SNTB1: variants seen among roughly 807,000 people sequenced by gnomAD.
The protein encoded by SNTB1 is syntrophin beta 1.
Under a neutral mutation model 48.9 loss-of-function variants are expected in SNTB1, and 36 were observed. The observed-to-expected ratio is 0.74, with a 90% CI of 0.56 to 0.97. SNTB1 has a LOEUF of 0.97. SNTB1 is among the 50% of genes least tolerant of loss of function. SNTB1 has a pLI of 0.00. For missense variants in SNTB1, 786 were observed against 703.4 expected (o/e 1.12, Z -1.33); for synonymous variants, 299 against 294.6 (o/e 1.01, Z -0.15).
intron 1 of SNTB1, among the ~76,000 whole-genome samples, chr8:120,731,752 A>G (rs568847049): frequency 1.3e-5 from 2 of 152,292 alleles, no homozygotes; most frequent in East Asian, 3.9e-4. Flanking sequence ...AAACCTGCAG[A>G]TGTCTACGGC....
intron 1 of SNTB1, among the ~76,000 whole-genome samples, chr8:120,742,010 A>G (rs1345308801): frequency 6.6e-6 from 1 of 152,206 alleles, no homozygotes; most frequent in Non-Finnish European, 1.5e-5. Context: ...CCATATAAAT[A>G]TTGTGTTTTA....
At chr8:120,616,583 C>T (rs547041386) in intron 3 of SNTB1, among the ~76,000 whole-genome samples, 2 of 151,286 alleles carry the variant, frequency 1.3e-5, no homozygotes, top group Non-Finnish European at 2.9e-5. Flanking sequence ...TCCCAAAGTG[C>T]TGGGATTGCA....
chr8:120,579,417 C>G (rs533927111), intron 3 of SNTB1, among the ~76,000 whole-genome samples: 19 of 152,232 alleles, frequency 1.2e-4, no homozygotes, highest in Admixed American at 5.9e-4. Context: ...TGGCTCATGC[C>G]TATACTCCCA....
intron 4 of SNTB1, among the ~76,000 whole-genome samples, chr8:120,569,566 G>A (rs1385573071): frequency 6.6e-6 from 1 of 152,184 alleles, no homozygotes; most frequent in Non-Finnish European, 1.5e-5. Flanking sequence ...TGAAGAGCCT[G>A]CGAGACGACA....
chr8:120,784,583 C>T (rs1349012530), intron 1 of SNTB1, among the ~76,000 whole-genome samples: 3 of 152,128 alleles, frequency 2.0e-5, no homozygotes, highest in Non-Finnish European at 4.4e-5. Flanking sequence ...CCACACTAAT[C>T]AGATCCCTTC....
intron 1 of SNTB1, among the ~76,000 whole-genome samples, chr8:120,697,554 A>G (rs1818232276): frequency 6.6e-6 from 1 of 152,222 alleles, no homozygotes; most frequent in African/African-American, 2.4e-5. Context: ...AAGCTCGACA[A>G]ATCTCTAGAG....
intron 5 of SNTB1, among the ~76,000 whole-genome samples, chr8:120,547,607 A>AAC (rs1815405645): frequency 6.6e-6 from 1 of 150,508 alleles, no homozygotes; most frequent in African/African-American, 2.4e-5. Flanking sequence ...AAAAAAAAAA[A>AAC]AAAAAACAAC....
intron 2 of SNTB1, chr8:120,637,493 A>T: frequency 5.3e-6 from 1 of 190,426 alleles, no homozygotes. Flanking sequence ...AAACATTATC[A>T]GTTAGTCAAA....
chr8:120,550,561 A>AAAG (rs1815464773), intron 4 of SNTB1, among the ~76,000 whole-genome samples: 1 of 149,914 alleles, frequency 6.7e-6, no homozygotes, highest in Non-Finnish European at 1.5e-5. Context: ...AAAAAAAAAA[A>AAAG]AGAGAGATAT....
intron 4 of SNTB1, among the ~76,000 whole-genome samples, chr8:120,557,960 CTTGG>C (rs1177122242): frequency 1.3e-5 from 2 of 152,184 alleles, no homozygotes; most frequent in Non-Finnish European, 2.9e-5. Flanking sequence ...GTAGATCATA[CTTGG>C]AAACACATTA....
At chr8:120,741,623 A>G (rs1819042220) in intron 1 of SNTB1, among the ~76,000 whole-genome samples, 1 of 152,208 alleles carries the variant, frequency 6.6e-6, no homozygotes, top group Admixed American at 6.5e-5. Flanking sequence ...CCAAACAAAC[A>G]AACACACAAA....
rs116725297 is a variant in SNTB1 at position 120,571,360 on chromosome 8, G to C, written c.1136+3726C>G. 3.5e-3 allele frequency: 4,538 copies of C among 1,286,802 alleles called. 177 individuals carry two copies. The African/African-American group carries it at 0.064, about 18-fold the overall frequency. The allele number at this position is 1,286,802 out of a possible 1,614,324, so 79.7% of individuals were successfully genotyped here. A position where few individuals can be genotyped will look rare whatever the true frequency, so the allele number is the denominator to read the frequency against. On this transcript the variant is annotated intron_variant, in intron 4 of 6. Transcript: ENST00000517992. ...GAATCTGAAGATAATGTTCACGGAT[G>C]AGGACTGTGGATGCAAAGTACAGAA...
rs182794186 is a variant in SNTB1 at position 120,811,927 on chromosome 8, G to A, written c.-84C>T. On this transcript the variant is annotated 5_prime_UTR_variant, in exon 1 of 7. Transcript: ENST00000517992. ...TGGCCGGGGGGAGGACGCGGGGCCC[G>A]GGGGAGCGAGGAGAGTGCGTCCCGC... 8.1e-4 allele frequency: 1,041 copies of A among 1,282,936 alleles called. 9 individuals are homozygous for A. The African/African-American group carries it at 0.014, about 18-fold the overall frequency. The allele number at this position is 1,282,936 out of a possible 1,614,324, so 79.5% of individuals were successfully genotyped here.
chr8:120,574,783 T>C (rs1815923622), intron 4 of SNTB1, among the ~76,000 whole-genome samples: 1 of 152,160 alleles, frequency 6.6e-6, no homozygotes, highest in African/African-American at 2.4e-5. Context: ...AACACATATG[T>C]CCAGTTCATT....
chr8:120,605,412 C>T lies in SNTB1; in HGVS notation c.996+27032G>A, dbSNP rs902666496. ...CTAACAGCTGGGAATCTGTAGTTTC[C>T]AGTGATATTACCACGTCTAACTGTG... On this transcript the variant is annotated intron_variant, in intron 3 of 6. Transcript: ENST00000517992. Among the ~76,000 whole-genome samples, 4 of 152,192 alleles carry T rather than the reference C, an allele frequency of 2.6e-5. No individual in the cohort carries two copies. The East Asian group carries it at 5.8e-4, about 22-fold the overall frequency.
rs554963745 is a variant in SNTB1 at position 120,680,708 on chromosome 8, C to G, written c.788+12984G>C. Among the ~76,000 whole-genome samples the G allele has an allele frequency of 2.0e-5, 3 of 152,268 alleles. No homozygotes were observed. In the South Asian group the frequency reaches 6.2e-4, roughly 32 times the overall value. Reference sequence around the variant, plus strand: ...GAGTTATTTTCAGAGGCATCATTATCTCTGCTTGAAAATCCTTGGGCAGCT... The same window carrying G: ...GAGTTATTTTCAGAGGCATCATTATGTCTGCTTGAAAATCCTTGGGCAGCT... On this transcript the variant is annotated intron_variant, in intron 2 of 6. Transcript: ENST00000517992.
At chr8:120,693,594 G>T in intron 2 of SNTB1, 98 bp downstream of exon 2, 1 of 950,184 alleles carries the variant, frequency 1.1e-6, no homozygotes, top group Non-Finnish European at 1.7e-6. Flanking sequence ...AAGCCATGAT[G>T]TGTTTTCAGA....
rs538081870 is a variant in SNTB1, at chr8:120,594,425, G to A, written c.997-19200C>T. Among the ~76,000 whole-genome samples, 123 of 152,172 alleles carry A rather than the reference G, an allele frequency of 8.1e-4. 1 individual carries two copies. Among genetic ancestry groups the A allele is most frequent in the African/African-American group, 2.6e-3 (109 of 41,510 alleles). On this transcript the variant is annotated intron_variant, in intron 3 of 6. Coordinates refer to ENST00000517992, the MANE Select transcript of SNTB1 (RefSeq NM_021021.4). ...GCTAATTTTTGTATTTTTAGTAGAGGTGGAGTTTCACCATGTTGGCCAGGC... is the reference window on the plus strand; with the variant it reads ...GCTAATTTTTGTATTTTTAGTAGAGATGGAGTTTCACCATGTTGGCCAGGC...
chr8:120,622,809 T>A (rs993039998), intron 3 of SNTB1, among the ~76,000 whole-genome samples: 3 of 152,198 alleles, frequency 2.0e-5, no homozygotes, highest in African/African-American at 4.8e-5. Context: ...ATATTGTTGG[T>A]CCCCTGCCAA....
Sources: allele counts gnomAD v4.1 joint callset (sites outside exome capture counted in the v4.1 genomes callset), GRCh38; gene constraint gnomAD v4.1.1; transcripts MANE v1.5; gene names NCBI Gene and HGNC (gene_info 2026-07-23, HGNC 2026-07-21).